The following ENPEP variants were observed in gnomAD, a reference collection of about 807,000 sequenced individuals.
ENPEP encodes the protein glutamyl aminopeptidase.
In ENPEP, 103 loss-of-function variants were observed where a neutral mutation model predicts 114.5. That is an observed-to-expected ratio of 0.90 (90% confidence interval 0.77 to 1.06). ENPEP has a LOEUF of 1.06. Ranked by LOEUF, ENPEP falls within the 50% of genes least tolerant of loss-of-function variation. The pLI, the probability that ENPEP is intolerant of heterozygous loss-of-function variation, is 0.00. For synonymous variants in ENPEP, 420 were observed against 422.0 expected (o/e 1.00, Z 0.06); for missense variants, 1,196 against 1,161.3 (o/e 1.03, Z -0.43).
At chr4:110,479,206 A>G (rs1724220489) in intron 1 of ENPEP, among the ~76,000 whole-genome samples, 1 of 152,184 alleles carries the variant, frequency 6.6e-6, no homozygotes, top group Admixed American at 6.5e-5. Flanking sequence ...CCAATATAGC[A>G]TCAATGCTTT....
At chr4:110,487,874 C>T (rs368140190) in intron 1 of ENPEP, among the ~76,000 whole-genome samples, 1 of 152,042 alleles carries the variant, frequency 6.6e-6, no homozygotes, top group Admixed American at 6.6e-5. Flanking sequence ...TTAGTTTACA[C>T]CAGCATATGC....
chr4:110,543,548 C>A (rs1726933864), intron 13 of ENPEP, among the ~76,000 whole-genome samples: 2 of 151,992 alleles, frequency 1.3e-5, no homozygotes, highest in South Asian at 4.2e-4. Flanking sequence ...ATTAGGGGAC[C>A]ATTTGGAAAA....
intron 1 of ENPEP, among the ~76,000 whole-genome samples, chr4:110,486,731 T>G (rs1724516873): frequency 6.6e-6 from 1 of 152,202 alleles, no homozygotes; most frequent in African/African-American, 2.4e-5. Flanking sequence ...TGGAATCTTA[T>G]CTATACATGT....
chr4:110,477,547 G>A (rs544619635), intron 1 of ENPEP, among the ~76,000 whole-genome samples: 31 of 151,086 alleles, frequency 2.1e-4, no homozygotes, highest in African/African-American at 7.6e-4. Context: ...TTTTGGAGAA[G>A]AGAGACATTG....
intron 3 of ENPEP, among the ~76,000 whole-genome samples, chr4:110,505,904 A>G (rs1254844837): frequency 6.6e-6 from 1 of 152,216 alleles, no homozygotes; most frequent in African/African-American, 2.4e-5. Flanking sequence ...TTTTTTATAA[A>G]GTCAGACATG....
At chr4:110,480,702 A>C (rs1724281291) in intron 1 of ENPEP, among the ~76,000 whole-genome samples, 1 of 152,164 alleles carries the variant, frequency 6.6e-6, no homozygotes, top group Non-Finnish European at 1.5e-5. Context: ...CAGCTACCCA[A>C]GTTGCTTTCT....
At position 110,506,884 on chromosome 4, in the gene ENPEP, C is replaced by CAAT. The variant is rs1395245558; in HGVS notation, c.1039+129_1039+131dup. 6.6e-6 allele frequency: 6 copies of CAAT among 903,008 alleles called. No homozygotes were observed. The African/African-American group carries it at 8.5e-5, about 13-fold the overall frequency. 55.9% of individuals were successfully genotyped at this position (903,008 alleles called of 1,614,324 possible). On this transcript the variant is annotated intron_variant, in intron 4 of 19. Transcript: ENST00000265162. ...CTTAAGTCCTTTTATTCTATGCCGA[C>CAAT]AATATCTTGGGCTCAAGTAAGCCTC...
At chr4:110,552,434 G>A (rs1727325621) in intron 17 of ENPEP, among the ~76,000 whole-genome samples, 2 of 152,140 alleles carry the variant, frequency 1.3e-5, no homozygotes, top group Admixed American at 1.3e-4. Flanking sequence ...GTTTGACAAA[G>A]GCTGACTCTC....
In ENPEP at chr4:110,563,307, G is replaced by C. The variant is rs560221921; in HGVS notation, c.*1749G>C. 6.6e-6 allele frequency: 1 copy of C among 152,204 alleles called. No homozygotes were observed. Among genetic ancestry groups the C allele is most frequent in the East Asian group, 1.9e-4 (1 of 5,186 alleles). The allele number at this position is 152,204 out of a possible 1,614,324, so 9.4% of individuals were successfully genotyped here. On this transcript the variant is annotated 3_prime_UTR_variant, in exon 20 of 20. Coordinates refer to ENST00000265162, the MANE Select transcript of ENPEP (RefSeq NM_001977.4). ...AGAAAAATGTTAGTTTAAGGGGGTG[G>C]TAAATAAAACAGATTTCAACTTGCC... is the stretch of plus-strand genomic sequence containing the variant.
intron 11 of ENPEP, among the ~76,000 whole-genome samples, chr4:110,539,753 TTG>T (rs1203406787): frequency 6.6e-6 from 1 of 151,904 alleles, no homozygotes; most frequent in Non-Finnish European, 1.5e-5. Context: ...TAATTTTACA[TTG>T]AAAAATAATT....
intron 1 of ENPEP, among the ~76,000 whole-genome samples, chr4:110,487,355 A>G (rs532813017): frequency 2.6e-4 from 39 of 152,360 alleles, no homozygotes; most frequent in Non-Finnish European, 4.4e-4. Context: ...AGTTCGGCCT[A>G]TGCTCAGGAA....
rs748650631 is a variant in ENPEP at position 110,509,761 on chromosome 4, A to G, written c.1148A>G (p.Asn383Ser). Residue 383 changes from asparagine to serine, a missense_variant, in exon 5 of 20, where the codon AAC becomes AGC. Transcript: ENST00000265162. ...GACCCTAAGGAATCAGCCTCATCAA[A>G]CCAACAGAGGGTGGCCACTGTGGTT... Reference protein sequence around the residue: ...LYDPKESASSNQQRVATVVAH... With the variant: ...LYDPKESASSSQQRVATVVAH... 6.2e-7 allele frequency: 1 copy of G among 1,614,234 alleles called. No individual in the cohort carries two copies. The highest frequency in any genetic ancestry group is 2.2e-5 in the East Asian group (1 of 44,882).
At chr4:110,559,376 GA>G (rs33940498) in intron 18 of ENPEP, among the ~76,000 whole-genome samples, 3,228 of 140,398 alleles carry the variant, frequency 0.023, 105 homozygotes, top group African/African-American at 0.07. Flanking sequence ...CATGTGTGCA[GA>G]AAAAAAAAAA....
chr4:110,520,719 G>A (rs921159654), intron 10 of ENPEP, among the ~76,000 whole-genome samples: 1 of 152,156 alleles, frequency 6.6e-6, no homozygotes, highest in African/African-American at 2.4e-5. Flanking sequence ...AATACAACCA[G>A]ATAATAATAA....
At position 110,505,058 on chromosome 4, in the gene ENPEP, A is replaced by G. The variant is rs551284860; in HGVS notation, c.919-1579A>G. Among the ~76,000 whole-genome samples, 3 of 152,338 alleles carry G rather than the reference A, an allele frequency of 2.0e-5. No individual in the cohort carries two copies. The South Asian group carries it at 6.2e-4, about 32-fold the overall frequency. On this transcript the variant is annotated intron_variant, in intron 3 of 19. Transcript: ENST00000265162. ...AAAATCTGAGAGTTTTGACACACCAATTAGTTCACAGAAGAAAAATTCTGA... is the reference window on the plus strand; with the variant it reads ...AAAATCTGAGAGTTTTGACACACCAGTTAGTTCACAGAAGAAAAATTCTGA...
intron 1 of ENPEP, 26 bp from the exon 2 acceptor site, chr4:110,488,515 C>G: frequency 6.4e-7 from 1 of 1,572,298 alleles, no homozygotes; most frequent in Non-Finnish European, 8.6e-7. Flanking sequence ...GCATGCATTT[C>G]GTTTGTTTGT....
rs570513893 is a variant in ENPEP at position 110,520,447 on chromosome 4, A to G, written c.1727+81A>G. 1.6e-4 allele frequency: 225 copies of G among 1,411,920 alleles called. 1 individual carries two copies. In the Admixed American group the frequency reaches 2.2e-3, roughly 14 times the overall value. The allele number at this position is 1,411,920 out of a possible 1,614,324, so 87.5% of individuals were successfully genotyped here. ...ATTTGTTTATATCCTATTGTTGAGT[A>G]CATGATGGATGAGTGATATACAAGT... On this transcript the variant is annotated intron_variant, in intron 10 of 19. Transcript: ENST00000265162.
chr4:110,481,257 CT>C lies in ENPEP; in HGVS notation c.644+4211del, dbSNP rs202184440. ...TTTTAATTATGGAACTTTTCAGAGA[CT>C]TTTTTTTTTTTAAAGAGATGAGATC... On this transcript the variant is annotated intron_variant, in intron 1 of 19. Transcript: ENST00000265162. 8.7e-3 allele frequency among the ~76,000 whole-genome samples: 1,258 copies of C among 144,024 alleles called. 10 individuals carry two copies. The highest frequency in any genetic ancestry group is 0.011 in the Non-Finnish European group (749 of 65,262). The allele number at this position is 144,024 out of a possible 152,430, so 94.5% of individuals were successfully genotyped here.
intron 13 of ENPEP, 38 bp downstream of exon 13, chr4:110,543,108 G>T (rs1239722811): frequency 6.4e-7 from 1 of 1,559,964 alleles, no homozygotes; most frequent in Non-Finnish European, 8.8e-7. Flanking sequence ...TTAAAATACT[G>T]TGGGTTTTCT....
Sources: gnomAD v4.1 joint callset for allele counts (sites outside exome capture counted in the v4.1 genomes callset) on GRCh38, gnomAD v4.1.1 for gene constraint, MANE v1.5 for transcripts, NCBI Gene and HGNC (gene_info 2026-07-23, HGNC 2026-07-21) for gene names.